PABPC4L: variants seen among roughly 807,000 people sequenced by gnomAD.
PABPC4L encodes the protein polyadenylate-binding protein 4-like.
For missense variants in PABPC4L, 452 were observed against 451.4 expected (o/e 1.00, Z -0.01); for synonymous variants, 169 against 164.1 (o/e 1.03, Z -0.23).
chr4:134,139,707 T>TC, the PABPC4L span, among the ~76,000 whole-genome samples: 52 of 151,630 alleles, frequency 3.4e-4, no homozygotes, highest in African/African-American at 1.2e-3. Context: ...ACTTTTTTTT[T>TC]TGGAGAGACA....
chr4:133,950,131 C>A, the PABPC4L span, among the ~76,000 whole-genome samples: 22 of 152,202 alleles, frequency 1.4e-4, no homozygotes, highest in Non-Finnish European at 2.2e-4. Context: ...CCATAATTCC[C>A]CTTAGCATCC....
the PABPC4L span, among the ~76,000 whole-genome samples, chr4:133,965,072 A>C: frequency 6.6e-6 from 1 of 152,108 alleles, no homozygotes; most frequent in African/African-American, 2.4e-5. Context: ...AAAAACCTTA[A>C]AGACTTCTCC....
At chr4:134,192,279 T>C (rs1729531833), downstream of PABPC4L, among the ~76,000 whole-genome samples, 1 of 152,038 alleles carries the variant, frequency 6.6e-6, no homozygotes. Context: ...TCATATATTA[T>C]ATAATACTAC....
rs565538867 is a variant in PABPC4L, at chr4:134,198,387, A to G, written c.*1520T>C. 8.3e-4 allele frequency: 126 copies of G among 151,776 alleles called. No individual in the cohort carries two copies. The highest frequency in any genetic ancestry group is 3.5e-3 in the Middle Eastern group (1 of 288). 9.4% of individuals were successfully genotyped at this position (151,776 alleles called of 1,614,324 possible). A position where few individuals can be genotyped will look rare whatever the true frequency, so the allele number is the denominator to read the frequency against. On this transcript the variant is annotated 3_prime_UTR_variant, in exon 2 of 2. Transcript: ENST00000421491. ...ATGGACTAAAAGATTTTCATTTTAG[A>G]AAATGTGCAAAGAATATACATATAA...
the PABPC4L span, among the ~76,000 whole-genome samples, chr4:134,137,715 T>C: frequency 6.6e-6 from 1 of 151,900 alleles, no homozygotes. Flanking sequence ...ATATTTTTTG[T>C]CTCTGAACTG....
At chr4:134,171,842 A>AAAATCAGT in the PABPC4L span, among the ~76,000 whole-genome samples, 1 of 152,138 alleles carries the variant, frequency 6.6e-6, no homozygotes, top group Non-Finnish European at 1.5e-5. Flanking sequence ...TCAATGTACA[A>AAAATCAGT]AAATCAGTAG....
chr4:134,079,508 G>T, the PABPC4L span, among the ~76,000 whole-genome samples: 1 of 145,990 alleles, frequency 6.8e-6, no homozygotes, highest in Non-Finnish European at 1.5e-5. Context: ...GAACCCGGGA[G>T]GCAGAGCTTG....
At chr4:134,053,937 G>T in the PABPC4L span, among the ~76,000 whole-genome samples, 1 of 151,526 alleles carries the variant, frequency 6.6e-6, no homozygotes, top group Non-Finnish European at 1.5e-5. Context: ...GTGGAATGAT[G>T]ATATCCACAC....
At chr4:134,154,457 AAAAT>A in the PABPC4L span, among the ~76,000 whole-genome samples, 64 of 152,188 alleles carry the variant, frequency 4.2e-4, 2 homozygotes, top group Admixed American at 3.6e-3. Flanking sequence ...CTCTGTTTAA[AAAAT>A]AAATAAATAA....
At chr4:134,027,902 C>A in the PABPC4L span, among the ~76,000 whole-genome samples, 13 of 152,210 alleles carry the variant, frequency 8.5e-5, no homozygotes, top group African/African-American at 1.2e-4. Context: ...AAAGTGAGAA[C>A]AATTTACACA....
the PABPC4L span, among the ~76,000 whole-genome samples, chr4:134,189,599 C>T: frequency 2.6e-5 from 4 of 151,900 alleles, no homozygotes; most frequent in East Asian, 7.8e-4. Flanking sequence ...TTTACACACA[C>T]ATGGTAAAAA....
At chr4:133,953,791 G>A in the PABPC4L span, among the ~76,000 whole-genome samples, 282 of 152,242 alleles carry the variant, frequency 1.9e-3, no homozygotes, top group African/African-American at 6.5e-3. Flanking sequence ...AATGATCATG[G>A]CTGCCCTTCT....
At chr4:134,192,503 A>G (rs908224940), downstream of PABPC4L, among the ~76,000 whole-genome samples, 1 of 152,122 alleles carries the variant, frequency 6.6e-6, no homozygotes, top group African/African-American at 2.4e-5. Context: ...CAGTAAATTT[A>G]TACTTGAAAA....
the PABPC4L span, among the ~76,000 whole-genome samples, chr4:134,060,441 T>G: frequency 4.0e-5 from 6 of 151,482 alleles, no homozygotes; most frequent in African/African-American, 1.5e-4. Context: ...GAACCCATCC[T>G]TCTGCTTGAG....
the PABPC4L span, among the ~76,000 whole-genome samples, chr4:134,015,007 C>T: frequency 1.3e-5 from 2 of 152,004 alleles, no homozygotes; most frequent in African/African-American, 2.4e-5. Flanking sequence ...CCCTTCTTCC[C>T]AATCCAAAGC....
At chr4:134,090,850 T>C in the PABPC4L span, among the ~76,000 whole-genome samples, 2 of 152,038 alleles carry the variant, frequency 1.3e-5, no homozygotes, top group Non-Finnish European at 2.9e-5. Flanking sequence ...CTTTATCATA[T>C]AGCGTATTTA....
chr4:133,970,733 G>C, the PABPC4L span, among the ~76,000 whole-genome samples: 4 of 152,026 alleles, frequency 2.6e-5, no homozygotes, highest in Non-Finnish European at 5.9e-5. Context: ...AGGTGATTAG[G>C]TCATGAGAGC....
chr4:134,104,483 C>T, the PABPC4L span, among the ~76,000 whole-genome samples: 1 of 70,814 alleles, frequency 1.4e-5, no homozygotes, highest in South Asian at 5.8e-4. Context: ...CTAAGGTGAC[C>T]CATATGCCAT....
chr4:133,951,110 G>T, the PABPC4L span, among the ~76,000 whole-genome samples: 1 of 151,812 alleles, frequency 6.6e-6, no homozygotes. Flanking sequence ...TTGTTTTTTT[G>T]TTTGTTTGTT....
Sources: gnomAD v4.1 joint callset for allele counts (sites outside exome capture counted in the v4.1 genomes callset) on GRCh38, gnomAD v4.1.1 for gene constraint, MANE v1.5 for transcripts, NCBI Gene and HGNC (gene_info 2026-07-23, HGNC 2026-07-21) for gene names.